MYH16: variants seen among roughly 807,000 people sequenced by gnomAD.
The protein encoded by MYH16 is putative uncharacterized protein MYH16.
intron 1 of MYH16, among the ~76,000 whole-genome samples, chr7:99,240,177 C>A (rs1319127409): frequency 6.6e-6 from 1 of 152,116 alleles, no homozygotes; most frequent in South Asian, 2.1e-4. Context: ...GATTTATTGA[C>A]CCTATTTTGC....
exon 25 of MYH16, chr7:99,283,910 C>T (rs1479963402): frequency 2.2e-5 from 10 of 455,964 alleles, no homozygotes; most frequent in African/African-American, 1.0e-4. Flanking sequence ...AAAATCCGGG[C>T]GGAGGTGGAA....
chr7:99,248,934 C>T (rs1321402596), intron 3 of MYH16: 1 of 152,614 alleles, frequency 6.6e-6, no homozygotes, highest in Non-Finnish European at 1.5e-5. Context: ...TTGTCGAATG[C>T]CTAGTTTCTA....
At chr7:99,269,273 CTTT>C (rs370518994) in intron 18 of MYH16, among the ~76,000 whole-genome samples, 9 of 144,128 alleles carry the variant, frequency 6.2e-5, no homozygotes, top group African/African-American at 2.0e-4. Context: ...GAACCATTCT[CTTT>C]TTTTTTTTTT....
chr7:99,296,977 C>T, intron 34 of MYH16, 60 bp downstream of exon 15: 1 of 443,690 alleles, frequency 2.3e-6, no homozygotes, highest in Non-Finnish European at 4.6e-6. Flanking sequence ...GCCAGAGTCC[C>T]CTTCATCCTG....
At position 99,261,660 on chromosome 7, in the gene MYH16, G is replaced by T. The variant is rs61172548; in HGVS notation, n.1755+27G>T. 977 of 153,180 alleles carry T rather than the reference G, an allele frequency of 6.4e-3. 16 individuals carry two copies. The highest frequency in any genetic ancestry group is 0.023 in the African/African-American group (940 of 41,582). 9.5% of individuals were successfully genotyped at this position (153,180 alleles called of 1,614,324 possible). The stretch of plus-strand genomic sequence containing the variant: ...TGAGTACTGGCCTCAGGGTCCCTCT[G>T]TGTTTCAGGTCCCAGCTGGCTGCCA... On this transcript the variant is annotated intron_variant and non_coding_transcript_variant, in intron 13 of 41. Coordinates refer to ENST00000439784, the Ensembl canonical transcript of MYH16.
exon 21 of MYH16, chr7:99,277,592 G>A (rs531628610): frequency 6.6e-6 from 3 of 457,058 alleles, no homozygotes; most frequent in South Asian, 3.1e-5. Flanking sequence ...AGGCCAAGGA[G>A]GAGGAGCTCA....
intron 38 of MYH16, among the ~76,000 whole-genome samples, chr7:99,302,315 T>TACACACAC (rs1369453226): frequency 9.0e-5 from 7 of 77,976 alleles, no homozygotes; most frequent in African/African-American, 6.1e-4. Context: ...AAAAAAAATA[T>TACACACAC]ATACACACAC....
intron 36 of MYH16, 146 bp downstream of exon 17, chr7:99,298,141 G>A: frequency 2.7e-6 from 1 of 366,546 alleles, no homozygotes; most frequent in Non-Finnish European, 5.4e-6. Context: ...TCTATGAAAT[G>A]GAAATAAAGA....
intron 33 of MYH16, among the ~76,000 whole-genome samples, 200 bp downstream of exon 14, chr7:99,294,350 A>T (rs1792440966): frequency 6.6e-6 from 1 of 151,804 alleles, no homozygotes; most frequent in Admixed American, 6.6e-5. Context: ...CCGAGATCTA[A>T]CATTCAACAA....
chr7:99,291,617 A>AACCCC (rs1792378191), intron 31 of MYH16, among the ~76,000 whole-genome samples, 167 bp downstream of exon 12: 1 of 105,964 alleles, frequency 9.4e-6, no homozygotes, highest in African/African-American at 3.8e-5. Flanking sequence ...ACACAGCAAG[A>AACCCC]CCCCCCCCCA....
chr7:99,289,642 G>A (rs1277252295), intron 30 of MYH16, among the ~76,000 whole-genome samples: 3 of 152,166 alleles, frequency 2.0e-5, no homozygotes, highest in Admixed American at 1.3e-4. Context: ...GAGATCAGTG[G>A]GAGAGGCATT....
intron 4 of MYH16, among the ~76,000 whole-genome samples, chr7:99,249,538 CAAAAA>C (rs1222006408): frequency 4.0e-5 from 2 of 50,278 alleles, no homozygotes; most frequent in Non-Finnish European, 7.9e-5. Context: ...GACCCTCTCT[CAAAAA>C]AAAAAAAAAA....
chr7:99,297,774 A>C, exon 35 of MYH16: 1 of 456,758 alleles, frequency 2.2e-6, no homozygotes, highest in Non-Finnish European at 4.4e-6. Flanking sequence ...GTGGCCCTGG[A>C]AGAAGCTGAG....
At chr7:99,244,148 C>T (rs749709547) in intron 2 of MYH16, among the ~76,000 whole-genome samples, 1 of 152,176 alleles carries the variant, frequency 6.6e-6, no homozygotes, top group Admixed American at 6.6e-5. Context: ...AAACATCCAT[C>T]CATCCATCCA....
chr7:99,288,262 C>A, intron 29 of MYH16, 125 bp downstream of exon 10: 1 of 386,536 alleles, frequency 2.6e-6, no homozygotes, highest in Non-Finnish European at 5.2e-6. Flanking sequence ...GACAACATAG[C>A]CAGACCTCGT....
exon 12 of MYH16, chr7:99,260,239 G>A (rs929591117): frequency 3.1e-5 from 50 of 1,608,902 alleles, no homozygotes; most frequent in African/African-American, 1.2e-4. Flanking sequence ...CCACATGTTC[G>A]TGCTGGAGCA....
exon 26 of MYH16, chr7:99,284,862 ACT>A: frequency 2.2e-6 from 1 of 456,522 alleles, no homozygotes; most frequent in Non-Finnish European, 4.4e-6. Context: ...TTGGAAATAA[ACT>A]CTGTCAACTC....
At chr7:99,289,368 C>T (rs1172779140) in exon 30 of MYH16, 1 of 445,418 alleles carries the variant, frequency 2.2e-6, no homozygotes. Context: ...AGAGCGAAAC[C>T]AAGCAGAAAT....
At chr7:99,284,752 A>G (rs966469828) in intron 25 of MYH16, 93 bp from the exon 8 acceptor site, 6 of 440,840 alleles carry the variant, frequency 1.4e-5, no homozygotes, top group African/African-American at 1.2e-4. Context: ...GGCAGGTTCA[A>G]GGCCTCCTCT....
Sources: allele counts gnomAD v4.1 joint callset (sites outside exome capture counted in the v4.1 genomes callset), GRCh38; gene constraint gnomAD v4.1.1; transcripts MANE v1.5; gene names NCBI Gene and HGNC (gene_info 2026-07-23, HGNC 2026-07-21).